TXNDC5: variants seen among roughly 807,000 people sequenced by gnomAD.
TXNDC5 encodes thioredoxin domain-containing protein 5.
A neutral mutation model predicts 52.6 loss-of-function variants in TXNDC5; 44 were observed. The ratio of observed to expected loss-of-function variants is 0.84; its 90% confidence interval spans 0.66 to 1.08. The LOEUF (loss-of-function observed/expected upper bound fraction) is 1.08. Among genes scored for constraint, TXNDC5 ranks in the 50% least tolerant of loss-of-function variants. TXNDC5 has a pLI of 0.00. For missense variants in TXNDC5, 600 were observed against 565.5 expected (o/e 1.06, Z -0.62); for synonymous variants, 241 against 234.4 (o/e 1.03, Z -0.26).
At position 7,910,733 on chromosome 6, in the gene TXNDC5, G is replaced by A; in HGVS notation, c.44C>T (p.Pro15Leu). 9.7e-7 allele frequency: 1 copy of A among 1,026,932 alleles called. No individual in the cohort carries two copies. Among genetic ancestry groups the A allele is most frequent in the African/African-American group, 1.7e-5 (1 of 57,598 alleles). 63.6% of individuals were successfully genotyped at this position (1,026,932 alleles called of 1,614,324 possible). Residue 15 changes from proline (P) to leucine (L), a missense_variant, in exon 1 of 10, where the codon CCG becomes CTG. By Grantham distance (98) the Pro-to-Leu change is moderately conservative (BLOSUM62 -3). Transcript: ENST00000379757. Reference sequence around the variant, plus strand: ...CAGCAGCAGCGCAGTCAGGGCCGCCGGCCGGGCCAGCAGCGGGAGGAGGCG... The same window carrying A: ...CAGCAGCAGCGCAGTCAGGGCCGCCAGCCGGGCCAGCAGCGGGAGGAGGCG... ...PGRLLPLLAR[P>L]AALTALLLLL... is the part of the protein sequence containing the mutation.
intron 1 of TXNDC5, among the ~76,000 whole-genome samples, chr6:7,906,670 A>T (rs1401383555): frequency 1.3e-5 from 2 of 150,696 alleles, no homozygotes; most frequent in African/African-American, 5.0e-5. Flanking sequence ...AGATACTCAG[A>T]TACAAAAAAA....
At chr6:7,910,119 A>C (rs2757559) in intron 1 of TXNDC5, 471,125 of 986,014 alleles carry the variant, frequency 0.48, 116,282 homozygotes, top group East Asian at 0.79. Context: ...GCTGTCCCCT[A>C]GGGGTCCGCC....
At chr6:7,907,424 CCTCA>C (rs1760774345) in intron 1 of TXNDC5, among the ~76,000 whole-genome samples, 1 of 152,182 alleles carries the variant, frequency 6.6e-6, no homozygotes, top group Non-Finnish European at 1.5e-5. Flanking sequence ...CAAATCTTGA[CCTCA>C]CTGTCACCAG....
At chr6:7,888,201 T>A (rs1292947743) in intron 7 of TXNDC5, among the ~76,000 whole-genome samples, 1 of 152,220 alleles carries the variant, frequency 6.6e-6, no homozygotes, top group Admixed American at 6.5e-5. Flanking sequence ...AGCCCCTCAG[T>A]GCATCAGGAC....
Position 7,889,569 on chromosome 6 carries a change from G to A in TXNDC5, c.745C>T (p.Gln249Ter). The A allele has an allele frequency of 6.2e-7, 1 of 1,610,892 alleles. No individual in the cohort carries two copies. The highest frequency in any genetic ancestry group is 8.5e-7 in the Non-Finnish European group (1 of 1,177,236). ...TTTCCGGAGCAGAGTTCATAGTGCT[G>A]TGTACAATCAACCTGAGAATAAAAG... ...TVKIGKVDCT[Q>*]HYELCSGNQV... The change falls in exon 6 of 10, where the codon CAG becomes TAG. Residue 249 changes from glutamine (Q) to a stop codon, truncating the protein, a stop_gained. Coordinates refer to ENST00000379757, the MANE Select transcript of TXNDC5 (RefSeq NM_030810.5). LOFTEE classifies it high-confidence loss of function.
In TXNDC5 at chr6:7,904,626, A is replaced by T; in HGVS notation, c.361T>A (p.Cys121Ser). The change falls in exon 2 of 10, where the codon TGC (cysteine) becomes AGC (serine). Residue 121 changes from cysteine (C) to serine (S), a missense_variant. Transcript: ENST00000379757. ...DAKVYVAKVD[C>S]TAHSDVCSAQ... ...GAGCACACGTCGGAGTGGGCCGTGC[A>T]GTCCACTTTAGCCACATAGACTTTG... is the stretch of plus-strand genomic sequence containing the variant. 2 of 1,614,220 alleles carry T rather than the reference A, an allele frequency of 1.2e-6. No individual in the cohort carries two copies. Among genetic ancestry groups the T allele is most frequent in the Non-Finnish European group, 1.7e-6 (2 of 1,180,046 alleles).
At chr6:7,897,153 TAA>T (rs1760398872) in intron 3 of TXNDC5, among the ~76,000 whole-genome samples, 1 of 152,064 alleles carries the variant, frequency 6.6e-6, no homozygotes. Context: ...TAAAATAATA[TAA>T]GACATGATCA....
rs565603569 is a variant in TXNDC5, at chr6:7,881,929, T to G, written c.*1215A>C. On this transcript the variant is annotated 3_prime_UTR_variant, in exon 10 of 10. Transcript: ENST00000379757. ...GTAAAAGGACAAACACCTATCTATC[T>G]TAGAGCTTAAGCCTGTATGTGCTTA... The G allele has an allele frequency of 6.6e-6, 1 of 150,494 alleles. No individual in the cohort carries two copies. Among genetic ancestry groups the G allele is most frequent in the South Asian group, 2.1e-4 (1 of 4,756 alleles). The allele number at this position is 150,494 out of a possible 1,614,324, so 9.3% of individuals were successfully genotyped here.
chr6:7,905,328 A>G (rs957138541), intron 1 of TXNDC5, among the ~76,000 whole-genome samples: 4 of 152,204 alleles, frequency 2.6e-5, no homozygotes, highest in African/African-American at 9.7e-5. Flanking sequence ...TTATTCGTCA[A>G]GTCTCCTCCA....
intron 4 of TXNDC5, among the ~76,000 whole-genome samples, chr6:7,893,698 T>C (rs902409927): frequency 7.0e-6 from 1 of 143,782 alleles, no homozygotes; most frequent in Non-Finnish European, 1.6e-5. Flanking sequence ...GAAATAACTT[T>C]TAGCAAAAGT....
chr6:7,899,434 C>T, intron 3 of TXNDC5, 142 bp downstream of exon 3: 1 of 531,228 alleles, frequency 1.9e-6, no homozygotes, highest in Non-Finnish European at 3.2e-6. Context: ...CCAATAAGCT[C>T]CAAAAAAAGT....
intron 5 of TXNDC5, among the ~76,000 whole-genome samples, chr6:7,891,070 G>A (rs927712150): frequency 2.0e-5 from 3 of 152,180 alleles, no homozygotes; most frequent in African/African-American, 7.2e-5. Flanking sequence ...GGAAAGTGTA[G>A]AAGAATAAAA....
chr6:7,890,305 G>A (rs1760146603), intron 5 of TXNDC5, among the ~76,000 whole-genome samples: 1 of 152,142 alleles, frequency 6.6e-6, no homozygotes, highest in South Asian at 2.1e-4. Context: ...GCAAACGGGG[G>A]TAAAAATACT....
chr6:7,904,484 A>G, intron 2 of TXNDC5, 90 bp downstream of exon 2: 2 of 1,511,234 alleles, frequency 1.3e-6, no homozygotes, highest in Non-Finnish European at 1.8e-6. Context: ...TAAATTTAGT[A>G]TCTCTTCACA....
chr6:7,909,950 G>T, intron 1 of TXNDC5: 3 of 986,034 alleles, frequency 3.0e-6, no homozygotes, highest in Non-Finnish European at 3.6e-6. Context: ...CCGCGCGTCC[G>T]GCCGGCACAG....
intron 4 of TXNDC5, among the ~76,000 whole-genome samples, chr6:7,894,070 A>C (rs145562752): frequency 6.6e-6 from 1 of 152,328 alleles, no homozygotes; most frequent in Non-Finnish European, 1.5e-5. Context: ...TTAAGTGTAA[A>C]GAGTAACTAA....
chr6:7,883,664 A>G (rs1759850683), intron 9 of TXNDC5, among the ~76,000 whole-genome samples: 2 of 152,216 alleles, frequency 1.3e-5, no homozygotes, highest in South Asian at 2.1e-4. Context: ...CCATGAGAGC[A>G]AGATCCTCTT....
In TXNDC5 at chr6:7,891,606, A is replaced by T; in HGVS notation, c.732+15T>A. The T allele has an allele frequency of 6.2e-7, 1 of 1,606,768 alleles. No individual in the cohort carries two copies. The highest frequency in any genetic ancestry group is 8.5e-7 in the Non-Finnish European group (1 of 1,173,890). ...AAAGCAGTCCATTTCCAGTTTAATAAGGGCTTTCACTCACCTTGCCAATCT... is the reference window on the plus strand; with the variant it reads ...AAAGCAGTCCATTTCCAGTTTAATATGGGCTTTCACTCACCTTGCCAATCT... On this transcript the variant is annotated intron_variant, in intron 5 of 9. Transcript: ENST00000379757.
intron 1 of TXNDC5, among the ~76,000 whole-genome samples, 155 bp from the exon 2 acceptor site, chr6:7,904,878 C>A (rs1395543213): frequency 1.3e-5 from 2 of 152,198 alleles, no homozygotes; most frequent in African/African-American, 4.8e-5. Flanking sequence ...GGACCTCTCT[C>A]CCCTGCTCCC....
Sources: allele counts gnomAD v4.1 joint callset (sites outside exome capture counted in the v4.1 genomes callset), GRCh38; gene constraint gnomAD v4.1.1; transcripts MANE v1.5; gene names NCBI Gene and HGNC (gene_info 2026-07-23, HGNC 2026-07-21).